MAZ: variants seen among roughly 807,000 people sequenced by gnomAD.
MAZ encodes MYC associated zinc finger protein.
A neutral mutation model predicts 32.7 loss-of-function variants in MAZ; 4 were observed. That is an observed-to-expected ratio of 0.12 (90% CI 0.06 to 0.28). MAZ has a LOEUF of 0.28. Ranked by LOEUF, MAZ falls within the 10% of genes least tolerant of loss-of-function variation. The pLI is 1.00. For missense variants in MAZ, 763 were observed against 667.2 expected, an observed-to-expected ratio of 1.14 and a Z score of -1.58; for synonymous variants, 510 against 297.6, an observed-to-expected ratio of 1.71 and a Z score of -7.35.
rs532838091 is a variant in MAZ, at chr16:29,807,715, G to A, written c.930G>A (p.Pro310=). 6.8e-6 allele frequency: 11 copies of A among 1,612,804 alleles called. No individual in the cohort carries two copies. The highest frequency in any genetic ancestry group is 3.3e-5 in the Admixed American group (2 of 60,014). Residue 310 remains proline, a synonymous_variant, in exon 2 of 5, where the codon CCG becomes CCA. Transcript: ENST00000322945. Reference sequence around the variant, plus strand: ...CGGACGAGAAGCCCTACCAGTGCCCGGTGTGCCAGCAGCGCTTCAAGCGCA... The same window carrying A: ...CGGACGAGAAGCCCTACCAGTGCCCAGTGTGCCAGCAGCGCTTCAAGCGCA... ...SHSDEKPYQC[P]VCQQRFKRKD... is the part of the protein sequence containing the mutation.
In MAZ at chr16:29,809,336, G is replaced by A. The variant is rs1237377825; in HGVS notation, c.1279+595G>A. 8.6e-6 allele frequency: 5 copies of A among 581,196 alleles called. No homozygotes were observed. In the East Asian group the frequency reaches 8.7e-5, roughly 10 times the overall value. The allele number at this position is 581,196 out of a possible 1,614,324, so 36.0% of individuals were successfully genotyped here. A position where few individuals can be genotyped will look rare whatever the true frequency, so the allele number is the denominator to read the frequency against. On this transcript the variant is annotated intron_variant, in intron 4 of 4. Transcript: ENST00000322945. ...TCTGTAGGTACCAAGGCTGAGAAGC[G>A]GGCACCACACAAGCCAGGCCCCAGG...
chr16:29,810,527 TCTC>T lies in MAZ; in HGVS notation c.*300_*302del, dbSNP rs1361426043. On this transcript the variant is annotated 3_prime_UTR_variant, in exon 5 of 5. Transcript: ENST00000322945. Reference sequence around the variant, plus strand: ...ACGAGCAGCCACTGCCCGTACCCCCTCTCCTCTCTGTAAGCCCATGCCCTGTCT... The same window carrying T: ...ACGAGCAGCCACTGCCCGTACCCCCTCTCTCTGTAAGCCCATGCCCTGTCT... The T allele has an allele frequency of 4.7e-5, 33 of 701,160 alleles. No homozygotes were observed. Among genetic ancestry groups the T allele is most frequent in the South Asian group, 4.3e-4 (29 of 66,750 alleles). 43.4% of individuals were successfully genotyped at this position (701,160 alleles called of 1,614,324 possible). A position where few individuals can be genotyped will look rare whatever the true frequency, so the allele number is the denominator to read the frequency against.
At position 29,807,556 on chromosome 16, in the gene MAZ, T is replaced by C. The variant is rs769136358; in HGVS notation, c.771T>C (p.Ala257=). ...GAGAGGCGGGTGCCGGCGGCGGCGC[T>C]GCCGCAGTGGCCGCCGGTGGCGTGG... ...GGGEAGAGGG[A]AAVAAGGVVT... Residue 257 remains alanine, a synonymous_variant, in exon 2 of 5, where the codon GCT becomes GCC. Transcript: ENST00000322945. The C allele has an allele frequency of 3.7e-4, 587 of 1,602,608 alleles. 2 individuals carry two copies. The highest frequency in any genetic ancestry group is 4.4e-4 in the Non-Finnish European group (522 of 1,175,836).
At chr16:29,806,401 ACCGCCG>A (rs1240478598), upstream of MAZ, 745 of 103,806 alleles carry the variant, frequency 7.2e-3, 8 homozygotes, top group African/African-American at 0.025. Context: ...CCAGGCTCCA[ACCGCCG>A]CCGCCGCCGC....
rs936885966 is a variant in MAZ at position 29,810,398 on chromosome 16, G to T, written c.*167G>T. On this transcript the variant is annotated 3_prime_UTR_variant, in exon 5 of 5. Transcript: ENST00000322945. Reference sequence around the variant, plus strand: ...TTAGGGGAATTCGCTAGGTTTTAACGATTTGTTTCTCCTGCTCCTCTTCTG... The same window carrying T: ...TTAGGGGAATTCGCTAGGTTTTAACTATTTGTTTCTCCTGCTCCTCTTCTG... The T allele has an allele frequency of 8.8e-6, 7 of 793,402 alleles. No homozygotes were observed. Among genetic ancestry groups the T allele is most frequent in the Non-Finnish European group, 1.5e-5 (7 of 467,820 alleles). The allele number at this position is 793,402 out of a possible 1,614,324, so 49.1% of individuals were successfully genotyped here.
chr16:29,809,524 A>C, intron 4 of MAZ: 2 of 1,558,984 alleles, frequency 1.3e-6, no homozygotes, highest in Non-Finnish European at 1.8e-6. Context: ...CCCCATCCCA[A>C]TCCACCCCCC....
intron 4 of MAZ, chr16:29,809,652 T>A: frequency 6.3e-7 from 1 of 1,590,036 alleles, no homozygotes. Context: ...GCAAGACCCC[T>A]GCCCAGCTGG....
chr16:29,809,301 G>A (rs973066667), intron 4 of MAZ: 3 of 557,734 alleles, frequency 5.4e-6, no homozygotes, highest in African/African-American at 3.9e-5. Context: ...CCCGGCCATG[G>A]AGAATGAGTT....
rs1003215218 is a variant in MAZ, at chr16:29,810,719, C to G, written c.*488C>G. 7.1e-6 allele frequency: 3 copies of G among 425,426 alleles called. No homozygotes were observed. Among genetic ancestry groups the G allele is most frequent in the Non-Finnish European group, 8.7e-6 (2 of 228,896 alleles). 26.4% of individuals were successfully genotyped at this position (425,426 alleles called of 1,614,324 possible). A position where few individuals can be genotyped will look rare whatever the true frequency, so the allele number is the denominator to read the frequency against. On this transcript the variant is annotated 3_prime_UTR_variant, in exon 5 of 5. Coordinates refer to ENST00000322945, the MANE Select transcript of MAZ (RefSeq NM_002383.4). ...AGGAAGGAGGGGGATCAGAGCTGTC[C>G]CAAAGAGGGAAAGCGGTGAGGTTTG...
At chr16:29,808,826 G>A (rs1476622052) in intron 4 of MAZ, 85 bp downstream of exon 4, 1 of 1,411,512 alleles carries the variant, frequency 7.1e-7, no homozygotes. Flanking sequence ...GGTTAAGGGT[G>A]CTGTAGCCAA....
chr16:29,806,580 C>T lies in MAZ; in HGVS notation c.-122C>T. On this transcript the variant is annotated 5_prime_UTR_variant, in exon 1 of 5. Transcript: ENST00000322945. Reference sequence around the variant, plus strand: ...GGTGCGCGGGCGGCGGGGCGGCCCGCGGGCCATGCGTTCGGCGCGGCCCAG... The same window carrying T: ...GGTGCGCGGGCGGCGGGGCGGCCCGTGGGCCATGCGTTCGGCGCGGCCCAG... 5 of 960,110 alleles carry T rather than the reference C, an allele frequency of 5.2e-6. No homozygotes were observed. Among genetic ancestry groups the T allele is most frequent in the Non-Finnish European group, 6.1e-6 (5 of 813,398 alleles). The allele number at this position is 960,110 out of a possible 1,614,324, so 59.5% of individuals were successfully genotyped here.
chr16:29,807,882 G>A lies in MAZ; in HGVS notation c.1043+54G>A, dbSNP rs144902955. On this transcript the variant is annotated intron_variant, in intron 2 of 4. Coordinates refer to ENST00000322945, the MANE Select transcript of MAZ (RefSeq NM_002383.4). ...GGCCGTGGGGAGGGAGGGACGCGAC[G>A]GAGGTGGCCTGGCCGTGGCTGGCGG... is the stretch of plus-strand genomic sequence containing the variant. 4,274 of 1,579,466 alleles carry A rather than the reference G, an allele frequency of 2.7e-3. 112 individuals carry two copies. The African/African-American group carries it at 0.05, about 19-fold the overall frequency.
rs772764855 is a variant in MAZ, at chr16:29,808,306, C to T, written c.1107+13C>T. On this transcript the variant is annotated intron_variant, in intron 3 of 4. Coordinates refer to ENST00000322945, the MANE Select transcript of MAZ (RefSeq NM_002383.4). ...CTTCAAATGTGAGGTAGGAAGCCCG[C>T]CTCCTCCTGTCTTGGTTTTCATGAT... 9 of 1,611,828 alleles carry T rather than the reference C, an allele frequency of 5.6e-6. No homozygotes were observed. Among genetic ancestry groups the T allele is most frequent in the Middle Eastern group, 3.3e-4 (2 of 6,056 alleles).
At position 29,811,106 on chromosome 16, in the gene MAZ, A is replaced by C. The variant is rs772737092; in HGVS notation, c.*875A>C. On this transcript the variant is annotated 3_prime_UTR_variant, in exon 5 of 5. Coordinates refer to ENST00000322945, the MANE Select transcript of MAZ (RefSeq NM_002383.4). ...TTCCTGTGTCCCCTGCATGTACCCC[A>C]CCCTCCACCCCTTCCTTTTGCGCGG... is the stretch of plus-strand genomic sequence containing the variant. The C allele has an allele frequency of 2.2e-6, 1 of 449,010 alleles. No individual in the cohort carries two copies. The highest frequency in any genetic ancestry group is 1.6e-5 in the South Asian group (1 of 63,056). The allele number at this position is 449,010 out of a possible 1,614,324, so 27.8% of individuals were successfully genotyped here.
In MAZ at chr16:29,808,701, C is replaced by G; in HGVS notation, c.1239C>G (p.His413Gln). 6.2e-7 allele frequency: 1 copy of G among 1,614,008 alleles called. No homozygotes were observed. Among genetic ancestry groups the G allele is most frequent in the Non-Finnish European group, 8.5e-7 (1 of 1,180,006 alleles). The change falls in exon 4 of 5, where the codon CAC becomes CAG. Residue 413 changes from histidine to glutamine, a missense_variant. Physicochemically the swap from His to Gln is conservative, Grantham distance 24. Transcript: ENST00000322945. Reference sequence around the variant, plus strand: ...ATATTTCGGACCACATGAAGGTGCACAGCCAGGGTCCTCACCATGTCTGTG... The same window carrying G: ...ATATTTCGGACCACATGAAGGTGCAGAGCCAGGGTCCTCACCATGTCTGTG... ...SAYISDHMKV[H>Q]SQGPHHVCEL...
chr16:29,808,213 C>T lies in MAZ; in HGVS notation c.1044-17C>T, dbSNP rs776263688. On this transcript the variant is annotated splice_polypyrimidine_tract_variant and intron_variant, in intron 2 of 4. Transcript: ENST00000322945. ...CGCACCACCTCCGCCCTAACCCCAA[C>T]CCCAACGTGTCCCCAGGCCGGATCA... 1.1e-5 allele frequency: 17 copies of T among 1,612,900 alleles called. No individual in the cohort carries two copies. Among genetic ancestry groups the T allele is most frequent in the Non-Finnish European group, 1.4e-5 (16 of 1,179,016 alleles).
Position 29,806,752 on chromosome 16 carries a change from G to A in MAZ, c.51G>A (p.Leu17=), listed in dbSNP as rs542535190. 6.3e-6 allele frequency: 9 copies of A among 1,419,612 alleles called. No individual in the cohort carries two copies. Among genetic ancestry groups the A allele is most frequent in the Non-Finnish European group, 6.5e-6 (7 of 1,074,862 alleles). The allele number at this position is 1,419,612 out of a possible 1,614,324, so 87.9% of individuals were successfully genotyped here. ...TGCTGGCCCCCCCCTTCCCCGTGCT[G>A]GGCCTGGACTCCCGGGGGGTGGGCG... ...CTLLAPPFPV[L]GLDSRGVGGL... is the part of the protein sequence containing the mutation. The change falls in exon 1 of 5, where the codon CTG becomes CTA. Residue 17 remains leucine (L), a synonymous_variant. Coordinates refer to ENST00000322945, the MANE Select transcript of MAZ (RefSeq NM_002383.4).
chr16:29,809,858 A>G, intron 4 of MAZ: 2 of 968,696 alleles, frequency 2.1e-6, no homozygotes, highest in Non-Finnish European at 3.0e-6. Context: ...AAGGCGAGGG[A>G]TGCCCATGTA....
rs759278955 is a variant in MAZ at position 29,809,514 on chromosome 16, C to A, written c.1280-563C>A. The A allele has an allele frequency of 3.3e-6, 5 of 1,493,754 alleles. No homozygotes were observed. The Admixed American group carries it at 8.8e-5, about 26-fold the overall frequency. The allele number at this position is 1,493,754 out of a possible 1,614,324, so 92.5% of individuals were successfully genotyped here. ...GGGGTCTCCGCCTGGCTGACCCCCG[C>A]CCCATCCCAATCCACCCCCCAATAG... On this transcript the variant is annotated intron_variant, in intron 4 of 4. Transcript: ENST00000322945.
Sources: allele counts gnomAD v4.1 joint callset, GRCh38; gene constraint gnomAD v4.1.1; transcripts MANE v1.5; gene names NCBI Gene and HGNC (gene_info 2026-07-23, HGNC 2026-07-21).